Variants in SPOCK2 observed in about 807,000 individuals in gnomAD.
SPOCK2 encodes the protein testican-2.
SPOCK2 carries 39 observed loss-of-function variants against 60.1 expected under a neutral mutation model. The ratio of observed to expected loss-of-function variants is 0.65; its 90% CI spans 0.50 to 0.85. The LOEUF (loss-of-function observed/expected upper bound fraction) is 0.85. Among genes scored for constraint, SPOCK2 ranks in the 40% least tolerant of loss-of-function variants. SPOCK2 has a pLI of 0.00. For missense variants in SPOCK2, 523 were observed against 567.4 expected (o/e 0.92, Z 0.80); for synonymous variants, 217 against 231.5 (o/e 0.94, Z 0.57).
At chr10:72,071,702 T>G (rs1840649026) in intron 4 of SPOCK2, among the ~76,000 whole-genome samples, 1 of 152,170 alleles carries the variant, frequency 6.6e-6, no homozygotes, top group African/African-American at 2.4e-5. Flanking sequence ...GGTTTGGTAA[T>G]TGTTCTCATA....
intron 1 of SPOCK2, among the ~76,000 whole-genome samples, chr10:72,079,554 A>G (rs1257948680): frequency 6.6e-6 from 1 of 152,214 alleles, no homozygotes; most frequent in East Asian, 1.9e-4. Flanking sequence ...GACAGCAGTG[A>G]GTGCGCAGGC....
chr10:72,062,697 T>G lies in SPOCK2; in HGVS notation c.*63A>C. ...TGCATTTCTGGATCCGTTCTCGAAG[T>G]TGCCTGCTGCTGCTCAGAGCTCTGC... On this transcript the variant is annotated 3_prime_UTR_variant, in exon 11 of 11. Coordinates refer to ENST00000373109, the MANE Select transcript of SPOCK2 (RefSeq NM_001244950.2). The surrounding 1 kb of genome is among the most constrained non-coding windows in gnomAD (Gnocchi z 4.3). 1 of 1,546,162 alleles carries G rather than the reference T, an allele frequency of 6.5e-7. No individual in the cohort carries two copies. Among genetic ancestry groups the G allele is most frequent in the South Asian group, 1.2e-5 (1 of 84,220 alleles).
rs1480157560 is a variant in SPOCK2, at chr10:72,087,751, CT to C, written c.189+388del. On this transcript the variant is annotated intron_variant, in intron 1 of 10. Coordinates refer to ENST00000373109, the MANE Select transcript of SPOCK2 (RefSeq NM_001244950.2). This position sits in a 1 kb window ranked among gnomAD's most constrained non-coding sequence, Gnocchi z 4.7. ...TGTGCAGCCTGCAGCATCCCAGCGG[CT>C]GGGGCAGGCCCGGGGGCGGCTCGCA... Among the ~76,000 whole-genome samples the C allele has an allele frequency of 6.6e-6, 1 of 152,216 alleles. No homozygotes were observed. Among genetic ancestry groups the C allele is most frequent in the Non-Finnish European group, 1.5e-5 (1 of 68,032 alleles).
In SPOCK2 at chr10:72,062,536, G is replaced by T; in HGVS notation, c.*224C>A. On this transcript the variant is annotated 3_prime_UTR_variant, in exon 11 of 11. Coordinates refer to ENST00000373109, the MANE Select transcript of SPOCK2 (RefSeq NM_001244950.2). This position sits in a 1 kb window ranked among gnomAD's most constrained non-coding sequence, Gnocchi z 4.3. Reference sequence around the variant, plus strand: ...ATCAAGGACACATTTGTCAGCGCATGCCACACACACACACACATACACACA... The same window carrying T: ...ATCAAGGACACATTTGTCAGCGCATTCCACACACACACACACATACACACA... 1.3e-6 allele frequency: 1 copy of T among 767,624 alleles called. No homozygotes were observed. The highest frequency in any genetic ancestry group is 1.9e-6 in the Non-Finnish European group (1 of 513,966). 47.6% of individuals were successfully genotyped at this position (767,624 alleles called of 1,614,324 possible). A position where few individuals can be genotyped will look rare whatever the true frequency, so the allele number is the denominator to read the frequency against.
chr10:72,085,882 A>T (rs1840848654), intron 1 of SPOCK2, among the ~76,000 whole-genome samples: 1 of 152,182 alleles, frequency 6.6e-6, no homozygotes, highest in South Asian at 2.1e-4. Flanking sequence ...GAAGAGGGAT[A>T]TGTTTGTAGT....
intron 1 of SPOCK2, among the ~76,000 whole-genome samples, chr10:72,075,182 G>A (rs927044141): frequency 2.6e-5 from 4 of 152,148 alleles, no homozygotes; most frequent in African/African-American, 4.8e-5. Context: ...GGCCAAGAGA[G>A]GTGCAGCTGC....
chr10:72,078,383 C>T (rs565454915), intron 1 of SPOCK2, among the ~76,000 whole-genome samples: 6 of 151,778 alleles, frequency 4.0e-5, no homozygotes, highest in Admixed American at 6.6e-5. Context: ...TGATGGCGGG[C>T]GCCTGTAGTC....
At chr10:72,085,742 C>T (rs1478832662) in intron 1 of SPOCK2, among the ~76,000 whole-genome samples, 1 of 152,206 alleles carries the variant, frequency 6.6e-6, no homozygotes, top group Non-Finnish European at 1.5e-5. Flanking sequence ...CGAAATTCCC[C>T]TCTCTCCTTT....
Position 72,067,190 on chromosome 10 carries a change from C to T in SPOCK2, c.710-70G>A, listed in dbSNP as rs552601788. 2.2e-5 allele frequency: 32 copies of T among 1,454,480 alleles called. 1 individual carries two copies. Among genetic ancestry groups the T allele is most frequent in the Admixed American group, 1.4e-4 (7 of 50,226 alleles). 90.1% of individuals were successfully genotyped at this position (1,454,480 alleles called of 1,614,324 possible). A position where few individuals can be genotyped will look rare whatever the true frequency, so the allele number is the denominator to read the frequency against. ...CCGTTTCTCCAGCCCTCCATCTCTC[C>T]GCCTCGCCATCAGCCCCAGCCCTCT... On this transcript the variant is annotated intron_variant, in intron 7 of 10. Transcript: ENST00000373109.
intron 1 of SPOCK2, among the ~76,000 whole-genome samples, chr10:72,078,613 C>T (rs988970530): frequency 1.8e-4 from 28 of 152,076 alleles, no homozygotes; most frequent in Non-Finnish European, 5.9e-5. Context: ...TTCCCAGTCA[C>T]CTACAGAAGA....
intron 1 of SPOCK2, among the ~76,000 whole-genome samples, chr10:72,077,512 C>T (rs1352732570): frequency 1.3e-5 from 2 of 151,868 alleles, no homozygotes; most frequent in Non-Finnish European, 2.9e-5. Flanking sequence ...GCTCGGGCCA[C>T]GCTTCTGTGC....
In SPOCK2 at chr10:72,061,941, C is replaced by A; in HGVS notation, c.*819G>T. ...CCCTCTCCTCACCCTGTTCTACCTGCACCACCTGGGCCACCTGGGACAGAC... is the reference window on the plus strand; with the variant it reads ...CCCTCTCCTCACCCTGTTCTACCTGAACCACCTGGGCCACCTGGGACAGAC... On this transcript the variant is annotated 3_prime_UTR_variant, in exon 11 of 11. Transcript: ENST00000373109. 6.5e-6 allele frequency: 1 copy of A among 153,494 alleles called. No individual in the cohort carries two copies. 9.5% of individuals were successfully genotyped at this position (153,494 alleles called of 1,614,324 possible). A position where few individuals can be genotyped will look rare whatever the true frequency, so the allele number is the denominator to read the frequency against.
At chr10:72,065,805 G>A (rs1486073610) in intron 8 of SPOCK2, among the ~76,000 whole-genome samples, 1 of 152,198 alleles carries the variant, frequency 6.6e-6, no homozygotes, top group Non-Finnish European at 1.5e-5. Flanking sequence ...ATTTGCAGAG[G>A]GATTTGTGAA....
At chr10:72,075,103 C>A (rs1235420471) in intron 1 of SPOCK2, among the ~76,000 whole-genome samples, 2 of 152,134 alleles carry the variant, frequency 1.3e-5, no homozygotes, top group Non-Finnish European at 2.9e-5. Flanking sequence ...ACCAACGAAG[C>A]CTTCTCCAGG....
At chr10:72,064,675 C>T (rs981737365) in intron 8 of SPOCK2, among the ~76,000 whole-genome samples, 4 of 152,302 alleles carry the variant, frequency 2.6e-5, no homozygotes, top group South Asian at 4.2e-4. Flanking sequence ...CATAAGATTA[C>T]AACACTATTT....
At chr10:72,086,673 C>T in intron 1 of SPOCK2, 1 of 1,286,446 alleles carries the variant, frequency 7.8e-7, no homozygotes, top group Non-Finnish European at 9.9e-7. Flanking sequence ...CTGGACAGGT[C>T]GCATGTGGGG....
chr10:72,079,780 T>G (rs1447694799), intron 1 of SPOCK2, among the ~76,000 whole-genome samples: 1 of 152,084 alleles, frequency 6.6e-6, no homozygotes, highest in Non-Finnish European at 1.5e-5. Flanking sequence ...ATCCACCTGC[T>G]TCTTTGCAGC....
chr10:72,084,929 CA>C (rs1454559231), intron 1 of SPOCK2, among the ~76,000 whole-genome samples: 1 of 152,146 alleles, frequency 6.6e-6, no homozygotes, highest in African/African-American at 2.4e-5. Context: ...TCCTGGGTGC[CA>C]AGCACTGTGT....
intron 3 of SPOCK2, 38 bp downstream of exon 3, chr10:72,072,465 G>A (rs781154665): frequency 2.5e-5 from 41 of 1,613,182 alleles, no homozygotes; most frequent in South Asian, 4.4e-5. Context: ...GTCTTCACAC[G>A]TGTCAGTCAC....
Sources: allele counts gnomAD v4.1 joint callset (sites outside exome capture counted in the v4.1 genomes callset), GRCh38; gene constraint gnomAD v4.1.1; non-coding constraint Gnocchi (gnomAD v3.1); transcripts MANE v1.5; gene names NCBI Gene and HGNC (gene_info 2026-07-23, HGNC 2026-07-21).